ANO2: variants seen among roughly 807,000 people sequenced by gnomAD.
ANO2 encodes the protein anoctamin-2.
In ANO2, 101 loss-of-function variants were observed where a neutral mutation model predicts 124.2. The ratio of observed to expected loss-of-function variants is 0.81; its 90% CI spans 0.69 to 0.96. ANO2 has a LOEUF of 0.96. Ranked by LOEUF, ANO2 falls within the 40% of genes least tolerant of loss-of-function variation. The probability of loss-of-function intolerance (pLI) is 0.00; values close to 1 mark genes in which losing one functional copy is unlikely to be tolerated. For synonymous variants in ANO2, 486 were observed against 482.5 expected, an observed-to-expected ratio of 1.01 and a Z score of -0.09; for missense variants, 1,293 against 1,274.5, an observed-to-expected ratio of 1.01 and a Z score of -0.22.
At chr12:5,637,094 C>G (rs1946062527) in intron 15 of ANO2, among the ~76,000 whole-genome samples, 1 of 151,912 alleles carries the variant, frequency 6.6e-6, no homozygotes, top group Non-Finnish European at 1.5e-5. Context: ...GCGGCAGAAA[C>G]ACCAGCCTCC....
intron 14 of ANO2, among the ~76,000 whole-genome samples, chr12:5,689,618 A>G (rs1948849284): frequency 1.3e-5 from 2 of 152,014 alleles, no homozygotes; most frequent in South Asian, 4.2e-4. Context: ...TTTCCTTCCA[A>G]ACTCACCTAG....
chr12:5,637,879 T>G (rs1946104280), intron 15 of ANO2, among the ~76,000 whole-genome samples: 1 of 152,180 alleles, frequency 6.6e-6, no homozygotes, highest in South Asian at 2.1e-4. Context: ...GCTTTCGAGC[T>G]GCAGGAACTT....
intron 1 of ANO2, among the ~76,000 whole-genome samples, chr12:5,931,240 C>T (rs1942361602): frequency 6.6e-6 from 1 of 152,062 alleles, no homozygotes; most frequent in Non-Finnish European, 1.5e-5. Context: ...CAACACTCAT[C>T]CACTGCTGGC....
intron 19 of ANO2, among the ~76,000 whole-genome samples, chr12:5,610,083 AAT>A (rs1196612496): frequency 2.5e-4 from 33 of 134,028 alleles, no homozygotes; most frequent in Non-Finnish European, 4.4e-4. Context: ...ATATAATATA[AAT>A]ATATATATTT....
rs1289209111 is a variant in ANO2, at chr12:5,769,207, C to T, written c.1056-18237G>A. On this transcript the variant is annotated intron_variant, in intron 10 of 24. Transcript: ENST00000682330. This position sits in a 1 kb window ranked among gnomAD's most constrained non-coding sequence, Gnocchi z 4.0. ...GTTCCCTCTCTCCAACCAATCCTCT[C>T]TTTAAGAAGGTTTCCAAATAAAGAG... is the stretch of plus-strand genomic sequence containing the variant. 6.6e-6 allele frequency among the ~76,000 whole-genome samples: 1 copy of T among 152,178 alleles called. No homozygotes were observed. Among genetic ancestry groups the T allele is most frequent in the Non-Finnish European group, 1.5e-5 (1 of 68,028 alleles).
Position 5,658,669 on chromosome 12 carries a change from ACAT to A in ANO2, c.1546-10871_1546-10869del, listed in dbSNP as rs1565532401. On this transcript the variant is annotated intron_variant, in intron 14 of 24. Transcript: ENST00000682330. The surrounding 1 kb of genome is among the most constrained non-coding windows in gnomAD (Gnocchi z 4.3). ...ATCAATATCATCATCATCATCATCA[ACAT>A]CATTATCATCATTAAATCATCATCA... 1.3e-5 allele frequency among the ~76,000 whole-genome samples: 2 copies of A among 148,610 alleles called. No individual in the cohort carries two copies. Among genetic ancestry groups the A allele is most frequent in the South Asian group, 4.3e-4 (2 of 4,690 alleles).
In ANO2 at chr12:5,818,981, T is replaced by C. The variant is rs144929416; in HGVS notation, c.892+8788A>G. Among the ~76,000 whole-genome samples, 201 of 152,328 alleles carry C rather than the reference T, an allele frequency of 1.3e-3. 1 individual carries two copies. The highest frequency in any genetic ancestry group is 4.8e-3 in the African/African-American group (198 of 41,568). Reference sequence around the variant, plus strand: ...CTAAGATGGCCCTGAGTGACAGTCTTATCTCCTGAAGACAAAGAGCTGAAA... The same window carrying C: ...CTAAGATGGCCCTGAGTGACAGTCTCATCTCCTGAAGACAAAGAGCTGAAA... On this transcript the variant is annotated intron_variant, in intron 7 of 24. Coordinates refer to ENST00000682330, the MANE Select transcript of ANO2 (RefSeq NM_001364791.2).
chr12:5,780,182 T>G (rs1344503972), intron 10 of ANO2, among the ~76,000 whole-genome samples: 1 of 152,218 alleles, frequency 6.6e-6, no homozygotes, highest in Non-Finnish European at 1.5e-5. Flanking sequence ...TCCATATTAT[T>G]ATTAATATAC....
chr12:5,633,701 T>C (rs10774350), intron 16 of ANO2, among the ~76,000 whole-genome samples: 102,677 of 151,974 alleles, frequency 0.68, 34,865 homozygotes, highest in East Asian at 0.81. Context: ...GCATCCTGCG[T>C]ACACTTCATG....
intron 1 of ANO2, among the ~76,000 whole-genome samples, chr12:5,923,220 ACACACATG>A (rs1174883872): frequency 2.7e-5 from 4 of 147,898 alleles, no homozygotes; most frequent in African/African-American, 7.5e-5. Context: ...CCACATACAC[ACACACATG>A]CACACATACA....
intron 3 of ANO2, among the ~76,000 whole-genome samples, chr12:5,888,650 A>G (rs1044642327): frequency 6.6e-6 from 1 of 152,156 alleles, no homozygotes; most frequent in South Asian, 2.1e-4. Flanking sequence ...TCCCCACTAG[A>G]TTAGCTAGAT....
chr12:5,616,108 CACAG>C (rs1267015149), intron 16 of ANO2, among the ~76,000 whole-genome samples: 1 of 152,124 alleles, frequency 6.6e-6, no homozygotes, highest in Non-Finnish European at 1.5e-5. Flanking sequence ...CAAGGGACTC[CACAG>C]ACAGTGACAA....
At chr12:5,590,612 G>C (rs1943348132) in intron 20 of ANO2, among the ~76,000 whole-genome samples, 1 of 152,186 alleles carries the variant, frequency 6.6e-6, no homozygotes, top group African/African-American at 2.4e-5. Flanking sequence ...CCTGCATCCA[G>C]TTCAGAGTTT....
intron 20 of ANO2, among the ~76,000 whole-genome samples, chr12:5,586,841 T>A (rs924999084): frequency 1.3e-5 from 2 of 152,232 alleles, no homozygotes; most frequent in African/African-American, 4.8e-5. Context: ...AGTTGTCTAA[T>A]ATATGGGGTA....
intron 14 of ANO2, among the ~76,000 whole-genome samples, chr12:5,707,233 T>C (rs1289265605): frequency 6.6e-6 from 1 of 152,286 alleles, no homozygotes; most frequent in East Asian, 1.9e-4. Flanking sequence ...CCATATAAGA[T>C]GTGCTTTGCC....
intron 14 of ANO2, among the ~76,000 whole-genome samples, chr12:5,709,584 A>T (rs1949733706): frequency 6.6e-6 from 1 of 152,202 alleles, no homozygotes; most frequent in Admixed American, 6.5e-5. Flanking sequence ...CTTCCAGGTA[A>T]GCCACGGGAA....
chr12:5,725,861 T>G (rs1442491265), intron 14 of ANO2, among the ~76,000 whole-genome samples: 5 of 152,116 alleles, frequency 3.3e-5, no homozygotes, highest in South Asian at 2.1e-4. Context: ...CCACGTAGAA[T>G]GAGTTTTGTC....
chr12:5,735,824 G>C (rs1363503697), intron 13 of ANO2, among the ~76,000 whole-genome samples: 3 of 152,174 alleles, frequency 2.0e-5, no homozygotes, highest in Non-Finnish European at 4.4e-5. Flanking sequence ...CACAAGCTGA[G>C]GTTAGAAAGG....
chr12:5,628,412 C>T (rs1302999557), intron 16 of ANO2, among the ~76,000 whole-genome samples: 1 of 152,244 alleles, frequency 6.6e-6, no homozygotes, highest in Non-Finnish European at 1.5e-5. Flanking sequence ...TAAATTTAAA[C>T]TTTTCTGGGG....
Sources: gnomAD v4.1 joint callset for allele counts (sites outside exome capture counted in the v4.1 genomes callset) on GRCh38, gnomAD v4.1.1 for gene constraint, Gnocchi (gnomAD v3.1) non-coding constraint, MANE v1.5 for transcripts, NCBI Gene and HGNC (gene_info 2026-07-23, HGNC 2026-07-21) for gene names.